Variants in HDAC1 observed in about 807,000 individuals in gnomAD.
HDAC1 encodes the protein protein deacetylase HDAC1.
In HDAC1, 18 loss-of-function variants were observed where a neutral mutation model predicts 65.5. The observed-to-expected ratio is 0.27, with a 90% confidence interval of 0.19 to 0.41. The LOEUF (loss-of-function observed/expected upper bound fraction) is 0.41, where lower values mean the gene tolerates loss of function less well. Ranked by LOEUF, HDAC1 falls within the 10% of genes least tolerant of loss-of-function variation. HDAC1 has a pLI of 1.00. For missense variants in HDAC1, 373 were observed against 625.2 expected (o/e 0.60, Z 4.30); for synonymous variants, 211 against 227.9 (o/e 0.93, Z 0.67).
At chr1:32,326,309 A>G (rs1315926694) in intron 4 of HDAC1, among the ~76,000 whole-genome samples, 1 of 151,698 alleles carries the variant, frequency 6.6e-6, no homozygotes, top group Non-Finnish European at 1.5e-5. Context: ...CTACAAGTGT[A>G]TGTCACCACG....
intron 3 of HDAC1, among the ~76,000 whole-genome samples, chr1:32,321,260 A>G (rs2148067476): frequency 6.6e-6 from 1 of 152,066 alleles, no homozygotes; most frequent in East Asian, 1.9e-4. Flanking sequence ...TAATAATATA[A>G]TGAACATCCA....
chr1:32,297,756 G>T (rs1262864892), intron 1 of HDAC1, among the ~76,000 whole-genome samples: 1 of 147,398 alleles, frequency 6.8e-6, no homozygotes, highest in Non-Finnish European at 1.5e-5. Context: ...GACTGGAGGC[G>T]CATGACACTA....
At chr1:32,299,698 A>G (rs192391313) in intron 1 of HDAC1, among the ~76,000 whole-genome samples, 2 of 152,174 alleles carry the variant, frequency 1.3e-5, no homozygotes, top group Admixed American at 1.3e-4. Context: ...TGTTCAAGGA[A>G]TTTTCTATCA....
chr1:32,332,431 G>C (rs569250557), intron 12 of HDAC1, among the ~76,000 whole-genome samples, 189 bp downstream of exon 12: 1 of 152,164 alleles, frequency 6.6e-6, no homozygotes, highest in African/African-American at 2.4e-5. Flanking sequence ...GCCTGAGCAC[G>C]GCTCTCACAT....
intron 2 of HDAC1, among the ~76,000 whole-genome samples, chr1:32,303,477 A>G (rs765550654): frequency 5.3e-5 from 8 of 152,040 alleles, no homozygotes; most frequent in Non-Finnish European, 1.0e-4. Context: ...AAACAAAACA[A>G]AAAAACCAAA....
chr1:32,316,628 C>G, intron 2 of HDAC1, 37 bp from the exon 3 acceptor site: 1 of 1,234,040 alleles, frequency 8.1e-7, no homozygotes, highest in Non-Finnish European at 1.2e-6. Context: ...TGGCCGTGGT[C>G]AAAAATAACT....
At chr1:32,294,619 A>T (rs1458254947) in intron 1 of HDAC1, among the ~76,000 whole-genome samples, 4 of 144,678 alleles carry the variant, frequency 2.8e-5, no homozygotes, top group Non-Finnish European at 6.0e-5. Flanking sequence ...GGTCCATGCC[A>T]TTCTCCTGCC....
chr1:32,299,839 G>T (rs527279560), intron 1 of HDAC1, among the ~76,000 whole-genome samples: 1 of 152,080 alleles, frequency 6.6e-6, no homozygotes, highest in African/African-American at 2.4e-5. Context: ...GACGGATCAC[G>T]AGGTCAGGAG....
intron 2 of HDAC1, among the ~76,000 whole-genome samples, chr1:32,303,216 G>T (rs984918163): frequency 6.6e-6 from 1 of 152,146 alleles, no homozygotes; most frequent in Non-Finnish European, 1.5e-5. Context: ...TGTCATCCTA[G>T]CACTTTGGGA....
At chr1:32,292,552 G>A (rs1640711674) in intron 1 of HDAC1, 1 of 528,666 alleles carries the variant, frequency 1.9e-6, no homozygotes, top group Non-Finnish European at 2.4e-6. Context: ...CGGCTGCAAG[G>A]ATACATTTTC....
intron 2 of HDAC1, among the ~76,000 whole-genome samples, chr1:32,313,171 A>C (rs752753716): frequency 6.6e-6 from 1 of 151,422 alleles, no homozygotes; most frequent in Non-Finnish European, 1.5e-5. Context: ...TCTCAGCTCA[A>C]TGCAGCCTCT....
intron 3 of HDAC1, among the ~76,000 whole-genome samples, chr1:32,320,443 G>A (rs1244971636): frequency 6.6e-5 from 10 of 152,058 alleles, no homozygotes; most frequent in Non-Finnish European, 1.5e-5. Context: ...GGCTTTTGGT[G>A]AAAACATGAT....
Position 32,330,974 on chromosome 1 carries a change from T to C in HDAC1, c.979+66T>C, listed in dbSNP as rs1570041748. 3 of 1,513,576 alleles carry C rather than the reference T, an allele frequency of 2.0e-6. No homozygotes were observed. The East Asian group carries it at 6.8e-5, about 34-fold the overall frequency. The allele number at this position is 1,513,576 out of a possible 1,614,324, so 93.8% of individuals were successfully genotyped here. On this transcript the variant is annotated intron_variant, in intron 9 of 13. Coordinates refer to ENST00000373548, the MANE Select transcript of HDAC1 (RefSeq NM_004964.3). This position sits in a 1 kb window ranked among gnomAD's most constrained non-coding sequence, Gnocchi z 4.2. ...GCTGGAGCTCATCTGTCCTTAAGTT[T>C]ATAACCCCTTCCCCGTTGGTCATAT...
At chr1:32,323,117 A>G (rs1027385357) in intron 3 of HDAC1, among the ~76,000 whole-genome samples, 1 of 152,126 alleles carries the variant, frequency 6.6e-6, no homozygotes, top group African/African-American at 2.4e-5. Context: ...CCTGGCCAAC[A>G]TGGTGAAACC....
chr1:32,327,055 T>C lies in HDAC1; in HGVS notation c.472T>C (p.Leu158=). 1.2e-6 allele frequency: 2 copies of C among 1,614,186 alleles called. No individual in the cohort carries two copies. The highest frequency in any genetic ancestry group is 1.7e-6 in the Non-Finnish European group (2 of 1,180,030). Residue 158 remains leucine (L), a synonymous_variant, in exon 5 of 14, where the codon TTG becomes CTG. Coordinates refer to ENST00000373548, the MANE Select transcript of HDAC1 (RefSeq NM_004964.3). This position sits in a 1 kb window ranked among gnomAD's most constrained non-coding sequence, Gnocchi z 6.0. ...SGFCYVNDIV[L]AILELLKYHQ... is the part of the protein sequence containing the mutation. ...CTTCTGTTACGTCAATGATATCGTC[T>C]TGGCCATCCTGGAACTGCTAAAGTA...
chr1:32,303,734 C>T (rs1364026754), intron 2 of HDAC1, among the ~76,000 whole-genome samples: 2 of 152,094 alleles, frequency 1.3e-5, no homozygotes, highest in Non-Finnish European at 2.9e-5. Flanking sequence ...TCCTGGCCTG[C>T]ACCTGTAGTC....
At chr1:32,294,607 C>T (rs1362851724) in intron 1 of HDAC1, among the ~76,000 whole-genome samples, 3 of 151,286 alleles carry the variant, frequency 2.0e-5, no homozygotes, top group African/African-American at 4.9e-5. Context: ...CTCCACCTCC[C>T]GGGTCCATGC....
In HDAC1 at chr1:32,316,699, A is replaced by G. The variant is rs1217695790; in HGVS notation, c.197A>G (p.Lys66Arg). The change falls in exon 3 of 14, where the codon AAG (lysine) becomes AGG (arginine). Residue 66 changes from lysine (K) to arginine (R), a missense_variant. Around this residue, in one of 4 missense-constraint regions of HDAC1, gnomAD observed 80 missense variants for 126.3 expected, o/e 0.63. Coordinates refer to ENST00000373548, the MANE Select transcript of HDAC1 (RefSeq NM_004964.3). ...PHKANAEEMT[K>R]YHSDDYIKFL... is the part of the protein sequence containing the mutation. ...AAAGCCAATGCTGAGGAGATGACCA[A>G]GTACCACAGCGATGACTACATTAAA... is the stretch of plus-strand genomic sequence containing the variant. The G allele has an allele frequency of 6.2e-7, 1 of 1,613,934 alleles. No homozygotes were observed. The highest frequency in any genetic ancestry group is 8.5e-7 in the Non-Finnish European group (1 of 1,179,938).
At chr1:32,312,075 G>A (rs1640999218) in intron 2 of HDAC1, among the ~76,000 whole-genome samples, 1 of 152,062 alleles carries the variant, frequency 6.6e-6, no homozygotes. Context: ...TGAACTCCTG[G>A]GCTCAAGTGA....
Sources: gnomAD v4.1 joint callset for allele counts (sites outside exome capture counted in the v4.1 genomes callset) on GRCh38, gnomAD v4.1.1 for gene constraint, gnomAD v4.1.1 regional missense constraint, Gnocchi (gnomAD v3.1) non-coding constraint, MANE v1.5 for transcripts, NCBI Gene and HGNC (gene_info 2026-07-23, HGNC 2026-07-21) for gene names.